The following TBC1D5 variants were observed in gnomAD, a reference collection of about 807,000 sequenced individuals.
The protein encoded by TBC1D5 is TBC1 domain family, member 5.
Under a neutral mutation model 100.3 loss-of-function variants are expected in TBC1D5, and 75 were observed. The ratio of observed to expected loss-of-function variants is 0.75; its 90% CI spans 0.62 to 0.91. TBC1D5 has a LOEUF of 0.91. TBC1D5 is among the 40% of genes least tolerant of loss of function. The pLI is 0.00. For synonymous variants in TBC1D5, 323 were observed against 325.6 expected (o/e 0.99, Z 0.09); for missense variants, 910 against 942.4 (o/e 0.97, Z 0.45).
chr3:17,160,876 A>G (rs2065960771), exon 22 of TBC1D5: 1 of 1,466,190 alleles, frequency 6.8e-7, no homozygotes, highest in Non-Finnish European at 9.1e-7. Flanking sequence ...GTGGTTTAAG[A>G]AGGTTCTCCA....
At chr3:17,579,827 A>C (rs2096682151) in intron 2 of TBC1D5, among the ~76,000 whole-genome samples, 1 of 152,140 alleles carries the variant, frequency 6.6e-6, no homozygotes, top group African/African-American at 2.4e-5. Flanking sequence ...CACTACAGAG[A>C]GCTGGGAACT....
intron 4 of TBC1D5, among the ~76,000 whole-genome samples, chr3:17,418,877 G>C (rs769749550): frequency 2.0e-5 from 3 of 152,156 alleles, no homozygotes; most frequent in Admixed American, 1.3e-4. Flanking sequence ...CTCCATACAT[G>C]AGATTCCGCA....
intron 14 of TBC1D5, among the ~76,000 whole-genome samples, chr3:17,294,636 A>C (rs1270639277): frequency 1.3e-5 from 2 of 152,216 alleles, no homozygotes; most frequent in Admixed American, 1.3e-4. Flanking sequence ...TCATCTTTCT[A>C]TCCATCCATC....
intron 1 of TBC1D5, among the ~76,000 whole-genome samples, chr3:17,675,166 G>A (rs1003634941): frequency 1.3e-4 from 20 of 151,892 alleles, no homozygotes; most frequent in South Asian, 6.2e-4. Flanking sequence ...GTAAGCAAAC[G>A]CAAGCATAAA....
At chr3:17,273,141 G>T (rs2079602193) in intron 15 of TBC1D5, among the ~76,000 whole-genome samples, 4 of 152,120 alleles carry the variant, frequency 2.6e-5, no homozygotes, top group African/African-American at 9.6e-5. Context: ...AATCTCAGTT[G>T]ATTTCTCTGT....
intron 2 of TBC1D5, among the ~76,000 whole-genome samples, chr3:17,514,579 G>C (rs2095958419): frequency 6.6e-6 from 1 of 152,094 alleles, no homozygotes; most frequent in Admixed American, 6.5e-5. Context: ...TAAAATACTA[G>C]ACTCATAAAC....
intron 2 of TBC1D5, among the ~76,000 whole-genome samples, chr3:17,539,181 A>C (rs1476691991): frequency 6.6e-6 from 1 of 152,164 alleles, no homozygotes. Context: ...AAAATAAAAA[A>C]TACAAATAAA....
At chr3:17,179,919 T>G (rs1040674781) in intron 19 of TBC1D5, among the ~76,000 whole-genome samples, 11 of 152,322 alleles carry the variant, frequency 7.2e-5, no homozygotes, top group Admixed American at 6.5e-4. Context: ...GAGCAGCTCA[T>G]GTATTCCCTG....
At chr3:17,371,078 C>T (rs962698624) in intron 13 of TBC1D5, among the ~76,000 whole-genome samples, 6 of 151,224 alleles carry the variant, frequency 4.0e-5, no homozygotes, top group Non-Finnish European at 8.8e-5. Context: ...TACACACACA[C>T]ACACACACAC....
intron 15 of TBC1D5, among the ~76,000 whole-genome samples, chr3:17,277,117 T>C (rs761156588): frequency 6.6e-6 from 1 of 152,180 alleles, no homozygotes; most frequent in Non-Finnish European, 1.5e-5. Context: ...CTCACTAATA[T>C]CCTATTAACA....
intron 15 of TBC1D5, among the ~76,000 whole-genome samples, chr3:17,287,077 T>C (rs1192656503): frequency 2.0e-5 from 3 of 152,212 alleles, no homozygotes; most frequent in African/African-American, 7.2e-5. Flanking sequence ...AGATGCTCTT[T>C]AAGTTCAAGT....
chr3:17,376,552 A>G, exon 10 of TBC1D5: 1 of 1,613,180 alleles, frequency 6.2e-7, no homozygotes, highest in East Asian at 2.2e-5. Flanking sequence ...ACTGGCATGT[A>G]GAAAAGCTTG....
At chr3:17,566,430 T>A (rs577531993) in intron 2 of TBC1D5, among the ~76,000 whole-genome samples, 1 of 152,066 alleles carries the variant, frequency 6.6e-6, no homozygotes, top group South Asian at 2.1e-4. Flanking sequence ...AGGCCACAGT[T>A]TTGAAGATCT....
intron 1 of TBC1D5, among the ~76,000 whole-genome samples, chr3:17,644,371 A>AACACCCAAAATAATGCCT (rs2064819385): frequency 6.6e-6 from 1 of 152,144 alleles, no homozygotes; most frequent in African/African-American, 2.4e-5. Flanking sequence ...GAATACACGG[A>AACACCCAAAATAATGCCT]ATTATTTTAA....
At chr3:17,209,489 C>A (rs184568265) in intron 18 of TBC1D5, among the ~76,000 whole-genome samples, 9 of 152,260 alleles carry the variant, frequency 5.9e-5, no homozygotes, top group Admixed American at 5.2e-4. Context: ...TGATTTCTCT[C>A]GAGAGTATTA....
At chr3:17,303,828 T>G (rs1225986421) in intron 14 of TBC1D5, among the ~76,000 whole-genome samples, 3 of 138,116 alleles carry the variant, frequency 2.2e-5, no homozygotes, top group Non-Finnish European at 4.6e-5. Context: ...GATCACAATC[T>G]ACCTCTTTTT....
upstream of TBC1D5, among the ~76,000 whole-genome samples, chr3:17,741,562 A>T (rs2077437481): frequency 6.6e-6 from 1 of 152,280 alleles, no homozygotes; most frequent in Non-Finnish European, 1.5e-5. Flanking sequence ...CCTGCATGTT[A>T]AAATCTTAGG....
At chr3:17,280,432 T>A (rs1281833452) in intron 15 of TBC1D5, among the ~76,000 whole-genome samples, 2 of 152,082 alleles carry the variant, frequency 1.3e-5, no homozygotes, top group Non-Finnish European at 2.9e-5. Context: ...ACCCACGGCC[T>A]GCCCCACTCC....
At chr3:17,413,026 AGTAGTTAAGAACCTGG>A (rs2093978160) in intron 4 of TBC1D5, among the ~76,000 whole-genome samples, 1 of 152,210 alleles carries the variant, frequency 6.6e-6, no homozygotes, top group Non-Finnish European at 1.5e-5. Context: ...AGTCCCTGTG[AGTAGTTAAGAACCTGG>A]GTGTTTAGGT....
Sources: gnomAD v4.1 joint callset for allele counts (sites outside exome capture counted in the v4.1 genomes callset) on GRCh38, gnomAD v4.1.1 for gene constraint, MANE v1.5 for transcripts, NCBI Gene and HGNC (gene_info 2026-07-23, HGNC 2026-07-21) for gene names.